The following PDSS2 variants were observed in gnomAD, a reference collection of about 807,000 sequenced individuals.
PDSS2 encodes decaprenyl diphosphate synthase subunit 2, also known as all trans-polyprenyl-diphosphate synthase PDSS2.
A neutral mutation model predicts 44.5 loss-of-function variants in PDSS2; 31 were observed. The observed-to-expected ratio is 0.70, with a 90% confidence interval of 0.52 to 0.94. The LOEUF is 0.94. Among genes scored for constraint, PDSS2 ranks in the 40% least tolerant of loss-of-function variants. PDSS2 has a pLI of 0.00. For missense variants in PDSS2, 452 were observed against 482.2 expected (o/e 0.94, Z 0.59); for synonymous variants, 157 against 180.3 (o/e 0.87, Z 1.03).
intron 3 of PDSS2, among the ~76,000 whole-genome samples, chr6:107,268,752 T>C (rs1775492157): frequency 6.6e-6 from 1 of 152,198 alleles, no homozygotes; most frequent in Non-Finnish European, 1.5e-5. Flanking sequence ...AAATTACTGA[T>C]ACTTTCAATT....
intron 2 of PDSS2, among the ~76,000 whole-genome samples, chr6:107,314,129 G>T (rs1029097519): frequency 6.6e-6 from 1 of 152,042 alleles, no homozygotes; most frequent in Non-Finnish European, 1.5e-5. Flanking sequence ...AAAAACAAAA[G>T]AAAATAAAAT....
intron 6 of PDSS2, among the ~76,000 whole-genome samples, chr6:107,207,482 G>T (rs779591540): frequency 2.6e-5 from 4 of 152,024 alleles, no homozygotes; most frequent in African/African-American, 9.7e-5. Context: ...TCTCCTAGGT[G>T]TTATGCAAAT....
At chr6:107,223,518 G>A (rs1427900150) in intron 4 of PDSS2, among the ~76,000 whole-genome samples, 1 of 150,998 alleles carries the variant, frequency 6.6e-6, no homozygotes, top group Non-Finnish European at 1.5e-5. Context: ...ATGGGTGACA[G>A]AGTGAGACTC....
intron 1 of PDSS2, among the ~76,000 whole-genome samples, chr6:107,384,299 T>C (rs1301703920): frequency 2.0e-5 from 3 of 152,138 alleles, no homozygotes; most frequent in African/African-American, 7.2e-5. Flanking sequence ...AGAAATGTCC[T>C]AAAATTAGAT....
chr6:107,372,477 G>A (rs1362308672), intron 1 of PDSS2, among the ~76,000 whole-genome samples: 2 of 151,930 alleles, frequency 1.3e-5, no homozygotes, highest in African/African-American at 2.4e-5. Context: ...TTTTTGAGAC[G>A]GAGTCGCTCT....
chr6:107,376,932 AC>A (rs1201982504), intron 1 of PDSS2, among the ~76,000 whole-genome samples: 2 of 151,900 alleles, frequency 1.3e-5, no homozygotes, highest in Non-Finnish European at 2.9e-5. Flanking sequence ...AGCCATAAAA[AC>A]CCTAGAAGAA....
chr6:107,440,084 G>A (rs144625812), intron 1 of PDSS2, among the ~76,000 whole-genome samples: 1 of 152,314 alleles, frequency 6.6e-6, no homozygotes, highest in Non-Finnish European at 1.5e-5. Flanking sequence ...CCAAGGCTGA[G>A]CTGGTGGTCT....
chr6:107,245,542 C>G lies in PDSS2; in HGVS notation c.702+6G>C, dbSNP rs1774585874. ...CATAACATTTTATGACTCTGAAATC[C>G]TTTACCTTTGAAGTAGAATTTTCAT... is the stretch of plus-strand genomic sequence containing the variant. On this transcript the variant is annotated splice_donor_region_variant and intron_variant, in intron 4 of 7. Coordinates refer to ENST00000369037, the MANE Select transcript of PDSS2 (RefSeq NM_020381.4). The G allele has an allele frequency of 2.0e-6, 3 of 1,515,712 alleles. No individual in the cohort carries two copies. The highest frequency in any genetic ancestry group is 3.4e-5 in the Admixed American group (2 of 58,908). 93.9% of individuals were successfully genotyped at this position (1,515,712 alleles called of 1,614,324 possible). A position where few individuals can be genotyped will look rare whatever the true frequency, so the allele number is the denominator to read the frequency against.
chr6:107,196,063 A>C (rs1350715131), intron 6 of PDSS2, among the ~76,000 whole-genome samples: 1 of 152,232 alleles, frequency 6.6e-6, no homozygotes, highest in African/African-American at 2.4e-5. Flanking sequence ...CAGAGAACTA[A>C]GAAGAGTTTG....
chr6:107,353,279 A>AAATT (rs1447646398), intron 1 of PDSS2, among the ~76,000 whole-genome samples: 1 of 152,202 alleles, frequency 6.6e-6, no homozygotes, highest in East Asian at 1.9e-4. Context: ...AGATTAGGAA[A>AAATT]AATTTATTCT....
At chr6:107,282,615 C>T (rs1429927394) in intron 2 of PDSS2, among the ~76,000 whole-genome samples, 1 of 151,570 alleles carries the variant, frequency 6.6e-6, no homozygotes, top group Non-Finnish European at 1.5e-5. Flanking sequence ...CCTGTAATCC[C>T]AGCACTTTGG....
intron 1 of PDSS2, among the ~76,000 whole-genome samples, chr6:107,335,083 G>C (rs1777841807): frequency 6.6e-6 from 1 of 151,308 alleles, no homozygotes; most frequent in African/African-American, 2.4e-5. Flanking sequence ...GCCCAGGGTT[G>C]GGGGGGTGCT....
chr6:107,315,551 C>T (rs1028040663), intron 2 of PDSS2, among the ~76,000 whole-genome samples: 1 of 152,032 alleles, frequency 6.6e-6, no homozygotes, highest in Non-Finnish European at 1.5e-5. Context: ...TTATTGAGTG[C>T]TGTCATGTCA....
intron 7 of PDSS2, among the ~76,000 whole-genome samples, chr6:107,183,036 C>A (rs900996238): frequency 1.3e-5 from 2 of 151,808 alleles, no homozygotes; most frequent in South Asian, 2.1e-4. Flanking sequence ...TATAGTGATA[C>A]CTCTTCTCTA....
chr6:107,328,707 C>G (rs1777625189), intron 2 of PDSS2, among the ~76,000 whole-genome samples: 1 of 152,194 alleles, frequency 6.6e-6, no homozygotes, highest in African/African-American at 2.4e-5. Context: ...CCAATGGGTT[C>G]TGTAGTCAAA....
chr6:107,367,403 T>G (rs2114346725), intron 1 of PDSS2, among the ~76,000 whole-genome samples: 1 of 152,264 alleles, frequency 6.6e-6, no homozygotes, highest in South Asian at 2.1e-4. Context: ...AATGAAAGAC[T>G]GAATGAATGC....
chr6:107,457,723 C>T (rs1002434066), intron 1 of PDSS2, among the ~76,000 whole-genome samples: 1 of 152,088 alleles, frequency 6.6e-6, no homozygotes, highest in African/African-American at 2.4e-5. Context: ...AACAACTAAA[C>T]GCAATACTTG....
At chr6:107,299,709 C>A (rs747908547) in intron 2 of PDSS2, among the ~76,000 whole-genome samples, 5 of 152,124 alleles carry the variant, frequency 3.3e-5, no homozygotes, top group Non-Finnish European at 7.4e-5. Context: ...AAATGAAACC[C>A]CACTTTCACC....
chr6:107,216,484 AAAAAAAC>A (rs1043221795), intron 4 of PDSS2, among the ~76,000 whole-genome samples: 5 of 152,160 alleles, frequency 3.3e-5, no homozygotes, highest in Non-Finnish European at 7.3e-5. Context: ...AAGAAAACCA[AAAAAAAC>A]AAAAAACAAA....
Sources: gnomAD v4.1 joint callset for allele counts (sites outside exome capture counted in the v4.1 genomes callset) on GRCh38, gnomAD v4.1.1 for gene constraint, MANE v1.5 for transcripts, NCBI Gene and HGNC (gene_info 2026-07-23, HGNC 2026-07-21) for gene names.